ZDHHC20: variants seen among roughly 807,000 people sequenced by gnomAD.
ZDHHC20 encodes palmitoyltransferase ZDHHC20.
In ZDHHC20, 43 loss-of-function variants were observed where a neutral mutation model predicts 57.8. That is an observed-to-expected ratio of 0.74 (90% confidence interval 0.58 to 0.96). The LOEUF (loss-of-function observed/expected upper bound fraction) is 0.96, where lower values mean the gene tolerates loss of function less well. Among genes scored for constraint, ZDHHC20 ranks in the 40% least tolerant of loss-of-function variants. The pLI, the probability that ZDHHC20 is intolerant of heterozygous loss-of-function variation, is 0.00. For synonymous variants in ZDHHC20, 157 were observed against 153.0 expected, an observed-to-expected ratio of 1.03 and a Z score of -0.19; for missense variants, 391 against 441.1, an observed-to-expected ratio of 0.89 and a Z score of 1.02.
chr13:21,453,073 C>T (rs1458012538), intron 1 of ZDHHC20, among the ~76,000 whole-genome samples: 2 of 152,052 alleles, frequency 1.3e-5, no homozygotes, highest in Admixed American at 6.5e-5. Flanking sequence ...ATGCTCTTTA[C>T]GAGAATTACA....
chr13:21,393,885 TA>T (rs1215950605), intron 7 of ZDHHC20, among the ~76,000 whole-genome samples: 1 of 152,048 alleles, frequency 6.6e-6, no homozygotes, highest in East Asian at 1.9e-4. Context: ...AAGAATAAAA[TA>T]AAATGTTTTT....
At chr13:21,434,654 T>G (rs967184386) in intron 1 of ZDHHC20, among the ~76,000 whole-genome samples, 1 of 152,238 alleles carries the variant, frequency 6.6e-6, no homozygotes, top group African/African-American at 2.4e-5. Context: ...AAAAATAATG[T>G]ACTATTACCA....
At chr13:21,430,517 G>C (rs368786387) in intron 1 of ZDHHC20, among the ~76,000 whole-genome samples, 22 of 151,964 alleles carry the variant, frequency 1.4e-4, no homozygotes, top group African/African-American at 5.3e-4. Context: ...ACAGGAGGGG[G>C]GTCTTGTTAC....
At position 21,459,198 on chromosome 13, in the gene ZDHHC20, C is replaced by A; in HGVS notation, c.-27G>T. ...TTCCGCTGGCGGCTGCCGAGCCCCGCGTCCCACCGTTCTGGGGAGCGCGGG... is the reference window on the plus strand; with the variant it reads ...TTCCGCTGGCGGCTGCCGAGCCCCGAGTCCCACCGTTCTGGGGAGCGCGGG... On this transcript the variant is annotated 5_prime_UTR_variant, in exon 1 of 13. Coordinates refer to ENST00000400590, the MANE Select transcript of ZDHHC20 (RefSeq NM_001330059.2). The A allele has an allele frequency of 6.3e-7, 1 of 1,576,276 alleles. No homozygotes were observed. Among genetic ancestry groups the A allele is most frequent in the South Asian group, 1.2e-5 (1 of 86,890 alleles).
At chr13:21,377,140 C>G (rs78910749) in intron 12 of ZDHHC20, 2 of 171,618 alleles carry the variant, frequency 1.2e-5, no homozygotes, top group Non-Finnish European at 2.5e-5. Context: ...TGGCATGGAC[C>G]TGGCTTACAA....
chr13:21,451,769 C>G (rs554265478), intron 1 of ZDHHC20, among the ~76,000 whole-genome samples: 2 of 152,070 alleles, frequency 1.3e-5, no homozygotes, highest in Admixed American at 1.3e-4. Context: ...GCAGGTGGAT[C>G]ACCTGAGGTC....
chr13:21,412,291 A>T (rs1319303834), intron 4 of ZDHHC20, among the ~76,000 whole-genome samples: 1 of 152,210 alleles, frequency 6.6e-6, no homozygotes, highest in Non-Finnish European at 1.5e-5. Context: ...TTAAGAAGGT[A>T]ACTCATTACT....
chr13:21,420,011 C>T (rs904696710), intron 3 of ZDHHC20, among the ~76,000 whole-genome samples: 3 of 152,074 alleles, frequency 2.0e-5, no homozygotes, highest in South Asian at 2.1e-4. Context: ...TTAGGCCGGG[C>T]GTAAATGGCT....
Position 21,374,613 on chromosome 13 carries a change from C to G in ZDHHC20, c.*2083G>C, listed in dbSNP as rs558475674. 30 of 273,534 alleles carry G rather than the reference C, an allele frequency of 1.1e-4. No homozygotes were observed. The highest frequency in any genetic ancestry group is 2.8e-4 in the Admixed American group (7 of 24,640). 16.9% of individuals were successfully genotyped at this position (273,534 alleles called of 1,614,324 possible). On this transcript the variant is annotated 3_prime_UTR_variant, in exon 13 of 13. Coordinates refer to ENST00000400590, the MANE Select transcript of ZDHHC20 (RefSeq NM_001330059.2). ...GGAGTTGAAACAAAGGTAGAAGAAT[C>G]CATACTATAATATCCCAAATTATGT...
chr13:21,452,036 AT>A (rs1884490359), intron 1 of ZDHHC20, among the ~76,000 whole-genome samples: 1 of 151,504 alleles, frequency 6.6e-6, no homozygotes, highest in African/African-American at 2.4e-5. Context: ...GATTCCATTT[AT>A]TTTTTTCCCT....
intron 1 of ZDHHC20, among the ~76,000 whole-genome samples, chr13:21,426,754 TGCCACCAC>T (rs1276835469): frequency 6.6e-6 from 1 of 151,936 alleles, no homozygotes; most frequent in Non-Finnish European, 1.5e-5. Context: ...TACAGGTGAG[TGCCACCAC>T]GCCTGGCTAA....
intron 9 of ZDHHC20, among the ~76,000 whole-genome samples, chr13:21,386,447 T>C (rs936555278): frequency 1.3e-5 from 2 of 152,192 alleles, no homozygotes; most frequent in African/African-American, 4.8e-5. Flanking sequence ...GTCTTAAAAG[T>C]AGCCATAGAA....
chr13:21,421,010 A>C lies in ZDHHC20; in HGVS notation c.249+51T>G, dbSNP rs1440201286. On this transcript the variant is annotated intron_variant, in intron 3 of 12. Coordinates refer to ENST00000400590, the MANE Select transcript of ZDHHC20 (RefSeq NM_001330059.2). ...TAACAAAGGTAACACAAGGGAAAAA[A>C]AATTCCATAATCAGTTAAAACATTT... 14 of 1,481,448 alleles carry C rather than the reference A, an allele frequency of 9.5e-6. No homozygotes were observed. The African/African-American group carries it at 2.0e-4, about 21-fold the overall frequency. The allele number at this position is 1,481,448 out of a possible 1,614,324, so 91.8% of individuals were successfully genotyped here.
chr13:21,431,235 C>T (rs546960127), intron 1 of ZDHHC20, among the ~76,000 whole-genome samples: 1 of 152,092 alleles, frequency 6.6e-6, no homozygotes, highest in East Asian at 1.9e-4. Context: ...TGGCTGGAGG[C>T]AAAAAGGCAC....
chr13:21,405,135 T>A (rs1200966503), intron 4 of ZDHHC20, among the ~76,000 whole-genome samples: 4 of 147,472 alleles, frequency 2.7e-5, no homozygotes, highest in Admixed American at 1.4e-4. Context: ...CCCCTAAAAA[T>A]TTTTTTTTTT....
chr13:21,380,553 G>T lies in ZDHHC20; in HGVS notation c.1060+881C>A, dbSNP rs191782283. Among the ~76,000 whole-genome samples the T allele has an allele frequency of 6.6e-4, 100 of 151,992 alleles. 1 individual carries two copies. In the East Asian group the frequency reaches 0.014, roughly 21 times the overall value. ...TCATGCCTATAATCCCAGCACTTTGGGGGGCTGAGGCGGGTGGATCACAAG... is the reference window on the plus strand; with the variant it reads ...TCATGCCTATAATCCCAGCACTTTGTGGGGCTGAGGCGGGTGGATCACAAG... On this transcript the variant is annotated intron_variant, in intron 11 of 12. Coordinates refer to ENST00000400590, the MANE Select transcript of ZDHHC20 (RefSeq NM_001330059.2).
chr13:21,400,619 A>G, intron 6 of ZDHHC20, 126 bp from the exon 7 acceptor site: 1 of 929,686 alleles, frequency 1.1e-6, no homozygotes, highest in African/African-American at 1.7e-5. Flanking sequence ...TAATGCGAAT[A>G]AAATTTCAGT....
At chr13:21,454,528 C>T (rs1210647142) in intron 1 of ZDHHC20, among the ~76,000 whole-genome samples, 1 of 151,986 alleles carries the variant, frequency 6.6e-6, no homozygotes, top group East Asian at 1.9e-4. Flanking sequence ...GACTACCTAC[C>T]TAAGAAAGGG....
chr13:21,439,264 C>T (rs956305059), intron 1 of ZDHHC20, among the ~76,000 whole-genome samples: 4 of 152,158 alleles, frequency 2.6e-5, no homozygotes, highest in Admixed American at 1.3e-4. Context: ...CGTAAGGAGG[C>T]TGAGGCAAGA....
Sources: gnomAD v4.1 joint callset for allele counts (sites outside exome capture counted in the v4.1 genomes callset) on GRCh38, gnomAD v4.1.1 for gene constraint, MANE v1.5 for transcripts, NCBI Gene and HGNC (gene_info 2026-07-23, HGNC 2026-07-21) for gene names.